The following KCNV2 variants were observed in gnomAD, a reference collection of about 807,000 sequenced individuals.
KCNV2 encodes potassium voltage-gated channel subfamily V member 2.
Under a neutral mutation model 37.0 loss-of-function variants are expected in KCNV2, and 65 were observed. The observed-to-expected ratio is 1.76, with a 90% CI of 1.44 to 2.16. The LOEUF (loss-of-function observed/expected upper bound fraction) is 2.16, where lower values mean the gene tolerates loss of function less well. Ranked by LOEUF, KCNV2 falls within the 30% of genes most tolerant of loss-of-function variation. The pLI is 0.00. For missense variants in KCNV2, 1,232 were observed against 766.7 expected (o/e 1.61, Z -7.17); for synonymous variants, 518 against 328.6 (o/e 1.58, Z -6.23).
At position 2,719,010 on chromosome 9, in the gene KCNV2, C is replaced by CT; in HGVS notation, c.1274dup (p.Ser426LeufsTer73). 1.2e-6 allele frequency: 2 copies of CT among 1,612,898 alleles called. No homozygotes were observed. Among genetic ancestry groups the CT allele is most frequent in the Non-Finnish European group, 1.7e-6 (2 of 1,180,038 alleles). The stretch of plus-strand genomic sequence containing the variant: ...CTCTTCATCGCCATGGGCATCTTCA[C>CT]TTTCTCTGCGGCTGTCTACTCTGTG... On this transcript the variant is annotated frameshift_variant, in exon 1 of 2. Coordinates refer to ENST00000382082, the MANE Select transcript of KCNV2 (RefSeq NM_133497.4). LOFTEE classifies it high-confidence loss of function.
At chr9:2,720,559 A>C (rs917192292) in intron 1 of KCNV2, 1 of 152,236 alleles carries the variant, frequency 6.6e-6, no homozygotes, top group African/African-American at 2.4e-5. Flanking sequence ...ATGTGTACAG[A>C]TGAGGCTCAT....
chr9:2,717,894 A>T lies in KCNV2; in HGVS notation c.155A>T (p.Asn52Ile). 6.2e-7 allele frequency: 1 copy of T among 1,614,190 alleles called. No individual in the cohort carries two copies. Among genetic ancestry groups the T allele is most frequent in the Non-Finnish European group, 8.5e-7 (1 of 1,180,022 alleles). ...CACGGCTGGACAGAGGGCAACTATA[A>T]CTACTACATCGAGGAAGACGAAGAC... ...SIHGWTEGNY[N>I]YYIEEDEDGE... is the part of the protein sequence containing the mutation. The change falls in exon 1 of 2, where the codon AAC (asparagine) becomes ATC (isoleucine). Residue 52 changes from asparagine to isoleucine, a missense_variant. Asn to Ile is a moderately radical substitution (Grantham distance 149, BLOSUM62 -3). Coordinates refer to ENST00000382082, the MANE Select transcript of KCNV2 (RefSeq NM_133497.4).
intron 1 of KCNV2, among the ~76,000 whole-genome samples, chr9:2,724,011 AT>A (rs34210075): frequency 2.6e-4 from 17 of 66,666 alleles, no homozygotes; most frequent in Non-Finnish European, 2.2e-4. Context: ...TTTTTTTCTT[AT>A]TTTTTTTTTG....
chr9:2,729,638 G>C lies in KCNV2; in HGVS notation c.1549G>C (p.Glu517Gln). Residue 517 changes from glutamate (E) to glutamine (Q), a missense_variant, in exon 2 of 2, where the codon GAG (glutamate) becomes CAG (glutamine). Physicochemically the swap from Glu to Gln is conservative, Grantham distance 29 (BLOSUM62 2). Coordinates refer to ENST00000382082, the MANE Select transcript of KCNV2 (RefSeq NM_133497.4). The part of the protein sequence containing the change: ...EYTTIRRERG[E>Q]VNFMQRARKK... Reference sequence around the variant, plus strand: ...TACCACCATACGCAGGGAGAGGGGAGAGGTGAACTTCATGCAGAGAGCCAG... The same window carrying C: ...TACCACCATACGCAGGGAGAGGGGACAGGTGAACTTCATGCAGAGAGCCAG... 6.2e-7 allele frequency: 1 copy of C among 1,614,136 alleles called. No individual in the cohort carries two copies. Among genetic ancestry groups the C allele is most frequent in the Non-Finnish European group, 8.5e-7 (1 of 1,180,002 alleles).
chr9:2,721,555 A>C (rs1209821135), intron 1 of KCNV2, among the ~76,000 whole-genome samples: 4 of 152,212 alleles, frequency 2.6e-5, no homozygotes, highest in Non-Finnish European at 4.4e-5. Flanking sequence ...CCAATTTGTC[A>C]TATAACCCAC....
chr9:2,729,607 T>A lies in KCNV2; in HGVS notation c.1518T>A (p.Tyr506Ter). Reference sequence around the variant, plus strand: ...ATTACTACAGCAAGCTGAAGGCTTATGAGTATACCACCATACGCAGGGAGA... The same window carrying A: ...ATTACTACAGCAAGCTGAAGGCTTAAGAGTATACCACCATACGCAGGGAGA... ...FSDYYSKLKA[Y>*]EYTTIRRERG... The change falls in exon 2 of 2, where the codon TAT becomes TAA. Residue 506 changes from tyrosine (Y) to a stop codon, truncating the protein, a stop_gained. Transcript: ENST00000382082. LOFTEE classifies it high-confidence loss of function. 1 of 1,614,134 alleles carries A rather than the reference T, an allele frequency of 6.2e-7. No homozygotes were observed. Among genetic ancestry groups the A allele is most frequent in the Non-Finnish European group, 8.5e-7 (1 of 1,180,012 alleles).
intron 1 of KCNV2, among the ~76,000 whole-genome samples, chr9:2,719,605 A>C (rs546467093): frequency 1.3e-5 from 2 of 152,212 alleles, no homozygotes; most frequent in African/African-American, 2.4e-5. Context: ...GGTTCCACTT[A>C]AATCTGAGTG....
chr9:2,717,660 A>T lies in KCNV2; in HGVS notation c.-80A>T. Reference sequence around the variant, plus strand: ...TAAGACAGTGCAGGCCACGTGATCCATCCTCCTAGAGGCAGTGAGCAGGTG... The same window carrying T: ...TAAGACAGTGCAGGCCACGTGATCCTTCCTCCTAGAGGCAGTGAGCAGGTG... On this transcript the variant is annotated 5_prime_UTR_variant, in exon 1 of 2. Transcript: ENST00000382082. The T allele has an allele frequency of 6.3e-7, 1 of 1,582,768 alleles. No individual in the cohort carries two copies.
intron 1 of KCNV2, among the ~76,000 whole-genome samples, chr9:2,728,476 T>A (rs956308922): frequency 9.2e-5 from 14 of 152,358 alleles, no homozygotes; most frequent in African/African-American, 3.4e-4. Flanking sequence ...TGGTAACTGA[T>A]AACTAGTCCC....
intron 1 of KCNV2, among the ~76,000 whole-genome samples, chr9:2,727,333 A>G (rs1351235102): frequency 6.6e-6 from 1 of 152,144 alleles, no homozygotes; most frequent in African/African-American, 2.4e-5. Flanking sequence ...ACCTAACGTT[A>G]AATGACAAGT....
chr9:2,727,548 G>GGAGCCAGA (rs1430159217), intron 1 of KCNV2, among the ~76,000 whole-genome samples: 3 of 152,124 alleles, frequency 2.0e-5, no homozygotes, highest in African/African-American at 7.2e-5. Context: ...ATTCTCTACT[G>GGAGCCAGA]GAGCCAGAGG....
At position 2,717,682 on chromosome 9, in the gene KCNV2, G is replaced by A; in HGVS notation, c.-58G>A. On this transcript the variant is annotated 5_prime_UTR_variant, in exon 1 of 2. Coordinates refer to ENST00000382082, the MANE Select transcript of KCNV2 (RefSeq NM_133497.4). Reference sequence around the variant, plus strand: ...TCCATCCTCCTAGAGGCAGTGAGCAGGTGAGGGACCCCTACCACAGCCAGG... The same window carrying A: ...TCCATCCTCCTAGAGGCAGTGAGCAAGTGAGGGACCCCTACCACAGCCAGG... The A allele has an allele frequency of 6.2e-7, 1 of 1,610,962 alleles. No individual in the cohort carries two copies. Among genetic ancestry groups the A allele is most frequent in the Middle Eastern group, 1.7e-4 (1 of 6,044 alleles).
At chr9:2,726,696 G>A (rs1481312835) in intron 1 of KCNV2, among the ~76,000 whole-genome samples, 1 of 152,064 alleles carries the variant, frequency 6.6e-6, no homozygotes, top group African/African-American at 2.4e-5. Flanking sequence ...TCTAAACCAG[G>A]GGTCCCCAAT....
At chr9:2,720,748 C>T (rs971320269) in intron 1 of KCNV2, among the ~76,000 whole-genome samples, 1 of 152,218 alleles carries the variant, frequency 6.6e-6, no homozygotes, top group Admixed American at 6.5e-5. Context: ...CTCTCTGATA[C>T]TACAGTTTGA....
intron 1 of KCNV2, among the ~76,000 whole-genome samples, chr9:2,726,019 C>G (rs565195742): frequency 2.0e-5 from 3 of 152,302 alleles, no homozygotes; most frequent in East Asian, 3.9e-4. Context: ...TGCAGAGTTG[C>G]TGAGCTAGCC....
intron 1 of KCNV2, among the ~76,000 whole-genome samples, chr9:2,721,369 G>C (rs1244551674): frequency 6.6e-6 from 1 of 152,144 alleles, no homozygotes; most frequent in East Asian, 1.9e-4. Context: ...CTGTTCCCCA[G>C]GACTGCTATG....
chr9:2,718,709 A>T lies in KCNV2; in HGVS notation c.970A>T (p.Thr324Ser), dbSNP rs980513372. The T allele has an allele frequency of 6.2e-7, 1 of 1,613,082 alleles. No homozygotes were observed. The highest frequency in any genetic ancestry group is 1.1e-5 in the South Asian group (1 of 91,078). Reference protein sequence around the residue: ...TLEYLLRLASTPDLRRFARSA... With the variant: ...TLEYLLRLASSPDLRRFARSA... ...CGAGTACCTGCTGCGCCTAGCCTCC[A>T]CGCCCGACCTGAGGCGCTTCGCGCG... is the stretch of plus-strand genomic sequence containing the variant. Residue 324 changes from threonine (T) to serine (S), a missense_variant, in exon 1 of 2, where the codon ACG (threonine) becomes TCG (serine). Physicochemically the swap from Thr to Ser is moderately conservative, Grantham distance 58. Coordinates refer to ENST00000382082, the MANE Select transcript of KCNV2 (RefSeq NM_133497.4).
intron 1 of KCNV2, among the ~76,000 whole-genome samples, chr9:2,726,790 T>G (rs1297311616): frequency 6.6e-6 from 1 of 152,114 alleles, no homozygotes; most frequent in African/African-American, 2.4e-5. Context: ...CATCAATCAT[T>G]ACCGCCTAAG....
In KCNV2 at chr9:2,717,944, G is replaced by C. The variant is rs759561865; in HGVS notation, c.205G>C (p.Asp69His). 6.2e-7 allele frequency: 1 copy of C among 1,614,044 alleles called. No homozygotes were observed. Among genetic ancestry groups the C allele is most frequent in the Admixed American group, 1.7e-5 (1 of 60,022 alleles). The change falls in exon 1 of 2, where the codon GAC becomes CAC. Residue 69 changes from aspartate to histidine, a missense_variant. Transcript: ENST00000382082. Reference protein sequence around the residue: ...EDGEEEDQWKDDLAEEDQQAG... With the variant: ...EDGEEEDQWKHDLAEEDQQAG... ...CGGCGAGGAGGAGGACCAGTGGAAG[G>C]ACGACCTGGCAGAAGAGGACCAGCA... is the stretch of plus-strand genomic sequence containing the variant.
Sources: gnomAD v4.1 joint callset for allele counts (sites outside exome capture counted in the v4.1 genomes callset) on GRCh38, gnomAD v4.1.1 for gene constraint, MANE v1.5 for transcripts, NCBI Gene and HGNC (gene_info 2026-07-23, HGNC 2026-07-21) for gene names.